MLN: variants seen among roughly 807,000 people sequenced by gnomAD.
The protein encoded by MLN is motilin, also known as promotilin.
MLN carries 14 observed loss-of-function variants against 13.3 expected under a neutral mutation model. The observed-to-expected ratio is 1.05, with a 90% CI of 0.69 to 1.64. MLN has a LOEUF of 1.64. MLN is among the 40% of genes most tolerant of loss of function. The probability of loss-of-function intolerance (pLI) is 0.00; values close to 1 mark genes in which losing one functional copy is unlikely to be tolerated. For missense variants in MLN, 122 were observed against 142.9 expected, an observed-to-expected ratio of 0.85 and a Z score of 0.75; for synonymous variants, 59 against 54.7, an observed-to-expected ratio of 1.08 and a Z score of -0.34.
chr6:33,796,611 G>T (rs1309900233), intron 3 of MLN, among the ~76,000 whole-genome samples: 2 of 152,192 alleles, frequency 1.3e-5, no homozygotes, highest in African/African-American at 2.4e-5. Context: ...CTCCCACCGG[G>T]CTCCCTGGGT....
At position 33,803,632 on chromosome 6, in the gene MLN, C is replaced by T. The variant is rs572854468; in HGVS notation, c.-8+321G>A. On this transcript the variant is annotated intron_variant, in intron 1 of 4. Coordinates refer to ENST00000430124, the MANE Select transcript of MLN (RefSeq NM_002418.3). The surrounding 1 kb of genome is among the most constrained non-coding windows in gnomAD (Gnocchi z 4.5). ...TTTTTCTTACCTTTCCAGAGCAAAG[C>T]CACCATGCCAAGAGGGGCCCTGCGC... 1.3e-5 allele frequency among the ~76,000 whole-genome samples: 2 copies of T among 152,338 alleles called. No individual in the cohort carries two copies. Among genetic ancestry groups the T allele is most frequent in the East Asian group, 3.9e-4 (2 of 5,174 alleles).
At position 33,795,599 on chromosome 6, in the gene MLN, C is replaced by A; in HGVS notation, c.241G>T (p.Ala81Ser). The change falls in exon 4 of 5, where the codon GCT becomes TCT. Residue 81 changes from alanine to serine, a missense_variant. By Grantham distance (99) the Ala-to-Ser change is moderately conservative (BLOSUM62 1). Transcript: ENST00000430124. ...EEENEMIKLT[A>S]PLEIGMRMNS... The stretch of plus-strand genomic sequence containing the variant: ...ATCCTCATTCCAATTTCCAGAGGAG[C>A]AGTCAGCTGTGAAATAAGGCAGCGT... The A allele has an allele frequency of 6.4e-7, 1 of 1,555,908 alleles. No individual in the cohort carries two copies.
chr6:33,798,739 T>G (rs1178332664), intron 3 of MLN, among the ~76,000 whole-genome samples: 1 of 152,182 alleles, frequency 6.6e-6, no homozygotes, highest in East Asian at 1.9e-4. Flanking sequence ...CACTGTTCCT[T>G]CTCCCGGGAG....
intron 3 of MLN, among the ~76,000 whole-genome samples, chr6:33,796,484 C>T (rs959492322): frequency 1.3e-4 from 20 of 152,318 alleles, no homozygotes; most frequent in African/African-American, 4.1e-4. Flanking sequence ...TCCCCGTCCC[C>T]GCTCCGCAGA....
chr6:33,801,206 G>T lies in MLN; in HGVS notation c.-7-36C>A, dbSNP rs780294815. On this transcript the variant is annotated intron_variant, in intron 1 of 4. Coordinates refer to ENST00000430124, the MANE Select transcript of MLN (RefSeq NM_002418.3). The stretch of plus-strand genomic sequence containing the variant: ...ACAAGGAGCTCTTGTCACTAAGTTT[G>T]GGGTACAGTGGCAGACTGCTGTGTC... 2.7e-6 allele frequency: 4 copies of T among 1,504,652 alleles called. No homozygotes were observed. The African/African-American group carries it at 4.1e-5, about 15-fold the overall frequency. 93.2% of individuals were successfully genotyped at this position (1,504,652 alleles called of 1,614,324 possible). A position where few individuals can be genotyped will look rare whatever the true frequency, so the allele number is the denominator to read the frequency against.
At chr6:33,800,767 C>T (rs1275121247) in intron 2 of MLN, among the ~76,000 whole-genome samples, 1 of 152,248 alleles carries the variant, frequency 6.6e-6, no homozygotes, top group Non-Finnish European at 1.5e-5. Context: ...GGGCTCATCG[C>T]CCAGGGTGGC....
chr6:33,799,360 T>G lies in MLN; in HGVS notation c.118-139A>C, dbSNP rs889325692. 5.3e-5 allele frequency: 30 copies of G among 566,676 alleles called. No homozygotes were observed. The highest frequency in any genetic ancestry group is 8.3e-5 in the Non-Finnish European group (26 of 314,038). The allele number at this position is 566,676 out of a possible 1,614,324, so 35.1% of individuals were successfully genotyped here. On this transcript the variant is annotated intron_variant, in intron 2 of 4. Coordinates refer to ENST00000430124, the MANE Select transcript of MLN (RefSeq NM_002418.3). The surrounding 1 kb of genome is among the most constrained non-coding windows in gnomAD (Gnocchi z 4.6). ...GAAAGAACCCTTTCCTCCAGGAGCC[T>G]CCTGCACGAGGAATCTCAGATACTA...
rs746105078 is a variant in MLN, at chr6:33,801,096, G to A, written c.68C>T (p.Thr23Met). 1.9e-5 allele frequency: 31 copies of A among 1,614,152 alleles called. No individual in the cohort carries two copies. Among genetic ancestry groups the A allele is most frequent in the South Asian group, 3.3e-5 (3 of 91,084 alleles). Residue 23 changes from threonine (T) to methionine (M), a missense_variant, in exon 2 of 5, where the codon ACG becomes ATG. Physicochemically the swap from Thr to Met is moderately conservative, Grantham distance 81. Coordinates refer to ENST00000430124, the MANE Select transcript of MLN (RefSeq NM_002418.3). ...GGTGAAGATGGGGACGAAGGCTTCC[G>A]TCTGGGAGGCCAGCATGGCAGCTAC... The part of the protein sequence containing the change: ...VHVAAMLASQ[T>M]EAFVPIFTYG...
intron 1 of MLN, among the ~76,000 whole-genome samples, chr6:33,802,370 C>T (rs1444333312): frequency 6.6e-6 from 1 of 152,152 alleles, no homozygotes; most frequent in Non-Finnish European, 1.5e-5. Context: ...TCAGATAAAG[C>T]GCTCCTCCAG....
At position 33,801,125 on chromosome 6, in the gene MLN, C is replaced by A. The variant is rs1339361880; in HGVS notation, c.39G>T (p.Val13=). The A allele has an allele frequency of 3.1e-6, 5 of 1,613,872 alleles. No individual in the cohort carries two copies. Among genetic ancestry groups the A allele is most frequent in the Non-Finnish European group, 4.2e-6 (5 of 1,179,950 alleles). ...GGGAGGCCAGCATGGCAGCTACATGCACCACCAGCAGAGCAGCCACAGCCT... is the reference window on the plus strand; with the variant it reads ...GGGAGGCCAGCATGGCAGCTACATGAACCACCAGCAGAGCAGCCACAGCCT... ...SRKAVAALLV[V]HVAAMLASQT... is the part of the protein sequence containing the mutation. The change falls in exon 2 of 5, where the codon GTG becomes GTT. Residue 13 remains valine (V), a synonymous_variant. Transcript: ENST00000430124.
intron 1 of MLN, among the ~76,000 whole-genome samples, chr6:33,801,960 C>A (rs541765480): frequency 6.6e-6 from 1 of 151,758 alleles, no homozygotes; most frequent in Non-Finnish European, 1.5e-5. Flanking sequence ...TTTTGGAGCT[C>A]GGGTCCTGGC....
At chr6:33,802,758 G>A (rs1304213219) in intron 1 of MLN, among the ~76,000 whole-genome samples, 1 of 152,172 alleles carries the variant, frequency 6.6e-6, no homozygotes, top group Non-Finnish European at 1.5e-5. Context: ...GGAAGCCGAG[G>A]CCTTGTGTGC....
At position 33,799,662 on chromosome 6, in the gene MLN, ATT is replaced by A. The variant is rs1768001478; in HGVS notation, c.118-443_118-442del. ...GGGAACTCAGAGTCCCTGGGAGGTG[ATT>A]TATAAGAGGCAAGACAAGAGATAAA... On this transcript the variant is annotated intron_variant, in intron 2 of 4. Coordinates refer to ENST00000430124, the MANE Select transcript of MLN (RefSeq NM_002418.3). The surrounding 1 kb of genome is among the most constrained non-coding windows in gnomAD (Gnocchi z 4.6). Among the ~76,000 whole-genome samples the A allele has an allele frequency of 1.3e-5, 2 of 152,128 alleles. No individual in the cohort carries two copies. Among genetic ancestry groups the A allele is most frequent in the South Asian group, 4.1e-4 (2 of 4,822 alleles).
intron 3 of MLN, among the ~76,000 whole-genome samples, chr6:33,796,308 G>A (rs953886150): frequency 1.3e-5 from 2 of 151,728 alleles, no homozygotes; most frequent in Non-Finnish European, 2.9e-5. Context: ...CTTGCTCAAG[G>A]CCGCACAGAT....
intron 3 of MLN, among the ~76,000 whole-genome samples, chr6:33,798,717 A>C (rs777252058): frequency 1.6e-4 from 24 of 152,210 alleles, no homozygotes; most frequent in Non-Finnish European, 3.2e-4. Context: ...GGTGTTCCTC[A>C]GTCTTTGCAC....
At chr6:33,794,857 C>T (rs371591132) in intron 4 of MLN, 22 bp from the exon 5 acceptor site, 40 of 1,613,310 alleles carry the variant, frequency 2.5e-5, no homozygotes, top group African/African-American at 8.0e-5. Context: ...CAGAGGTTTG[C>T]GCTCAGTACC....
chr6:33,797,252 G>A (rs1167847491), intron 3 of MLN, among the ~76,000 whole-genome samples: 4 of 152,156 alleles, frequency 2.6e-5, no homozygotes, highest in South Asian at 2.1e-4. Flanking sequence ...ATGTGGTAGC[G>A]ACCCACACTC....
intron 3 of MLN, among the ~76,000 whole-genome samples, chr6:33,795,928 C>G (rs1767906932): frequency 6.6e-6 from 1 of 151,254 alleles, no homozygotes; most frequent in African/African-American, 2.4e-5. Context: ...CAATTATAGC[C>G]AACATTGTGG....
rs563854611 is a variant in MLN, at chr6:33,795,489, C to A, written c.337+14G>T. On this transcript the variant is annotated intron_variant, in intron 4 of 4. Coordinates refer to ENST00000430124, the MANE Select transcript of MLN (RefSeq NM_002418.3). ...AGGCCGGCCAAGCCACAGAGATGCC[C>A]GCCCTCCCCGTACCATGCTGGGGAA... 1.9e-6 allele frequency: 3 copies of A among 1,551,726 alleles called. No homozygotes were observed. The highest frequency in any genetic ancestry group is 2.6e-6 in the Non-Finnish European group (3 of 1,146,104).
Sources: allele counts gnomAD v4.1 joint callset (sites outside exome capture counted in the v4.1 genomes callset), GRCh38; gene constraint gnomAD v4.1.1; non-coding constraint Gnocchi (gnomAD v3.1); transcripts MANE v1.5; gene names NCBI Gene and HGNC (gene_info 2026-07-23, HGNC 2026-07-21).